ELMO1: variants seen among roughly 807,000 people sequenced by gnomAD.
The protein encoded by ELMO1 is engulfment and cell motility 1.
ELMO1 carries 26 observed loss-of-function variants against 98.9 expected under a neutral mutation model. The ratio of observed to expected loss-of-function variants is 0.26; its 90% CI spans 0.19 to 0.36. The LOEUF (loss-of-function observed/expected upper bound fraction) is 0.36. ELMO1 is among the 10% of genes least tolerant of loss of function. The pLI, the probability that ELMO1 is intolerant of heterozygous loss-of-function variation, is 1.00. For missense variants in ELMO1, 627 were observed against 935.2 expected, an observed-to-expected ratio of 0.67 and a Z score of 4.30; for synonymous variants, 346 against 346.0, an observed-to-expected ratio of 1.00 and a Z score of 0.00.
At chr7:37,423,193 C>T (rs1721740289) in intron 1 of ELMO1, among the ~76,000 whole-genome samples, 1 of 152,212 alleles carries the variant, frequency 6.6e-6, no homozygotes, top group South Asian at 2.1e-4. Flanking sequence ...ATAATTTCAT[C>T]AGACATTCAT....
chr7:37,381,118 T>C (rs1231843347), intron 1 of ELMO1, among the ~76,000 whole-genome samples: 1 of 152,214 alleles, frequency 6.6e-6, no homozygotes, highest in Non-Finnish European at 1.5e-5. Flanking sequence ...ACCACAAAAG[T>C]GCCTTAAGCA....
chr7:36,952,110 C>T (rs192385715), intron 16 of ELMO1, among the ~76,000 whole-genome samples: 5 of 152,296 alleles, frequency 3.3e-5, no homozygotes, highest in East Asian at 3.9e-4. Flanking sequence ...GTGCATCCCA[C>T]GCAAACCCAT....
intron 16 of ELMO1, among the ~76,000 whole-genome samples, chr7:36,951,131 T>C (rs1395800714): frequency 6.6e-6 from 1 of 152,218 alleles, no homozygotes; most frequent in Non-Finnish European, 1.5e-5. Context: ...TGCTTGGACC[T>C]GTGTATCAGC....
At chr7:37,308,341 T>C (rs1798721210) in intron 4 of ELMO1, among the ~76,000 whole-genome samples, 1 of 152,186 alleles carries the variant, frequency 6.6e-6, no homozygotes, top group South Asian at 2.1e-4. Context: ...ATCTTTAAGA[T>C]GACCTTAAAA....
chr7:36,980,939 A>C (rs1466703923), intron 16 of ELMO1, among the ~76,000 whole-genome samples: 1 of 152,106 alleles, frequency 6.6e-6, no homozygotes, highest in Non-Finnish European at 1.5e-5. Flanking sequence ...AAAAGAAAGA[A>C]GTTGTAAAGG....
At chr7:37,036,725 G>A (rs1342071835) in intron 15 of ELMO1, among the ~76,000 whole-genome samples, 6 of 152,132 alleles carry the variant, frequency 3.9e-5, no homozygotes, top group Non-Finnish European at 5.9e-5. Context: ...GGGAAATCAG[G>A]AGGAAGTCCA....
At chr7:36,862,177 C>A (rs1047142702) in intron 20 of ELMO1, 5 of 180,458 alleles carry the variant, frequency 2.8e-5, no homozygotes, top group South Asian at 2.4e-4. Flanking sequence ...TTAAGGACTG[C>A]CCTTCCTTCT....
intron 16 of ELMO1, among the ~76,000 whole-genome samples, chr7:36,939,761 G>A (rs1786865275): frequency 6.6e-6 from 1 of 152,216 alleles, no homozygotes; most frequent in Non-Finnish European, 1.5e-5. Flanking sequence ...AATTGCAAAA[G>A]CCCACCCTCC....
chr7:37,307,044 A>G (rs2131055176), intron 4 of ELMO1, among the ~76,000 whole-genome samples: 1 of 152,338 alleles, frequency 6.6e-6, no homozygotes, highest in Non-Finnish European at 1.5e-5. Context: ...CTATGGAGAC[A>G]AGGACTGTAC....
intron 1 of ELMO1, among the ~76,000 whole-genome samples, chr7:37,408,272 T>A (rs1178589212): frequency 6.6e-6 from 1 of 152,166 alleles, no homozygotes; most frequent in African/African-American, 2.4e-5. Context: ...CATAATGAAG[T>A]TGAAACCCCC....
intron 10 of ELMO1, 131 bp from the exon 11 acceptor site, chr7:37,216,826 C>A: frequency 1.2e-6 from 1 of 851,640 alleles, no homozygotes; most frequent in Non-Finnish European, 1.9e-6. Flanking sequence ...AAATAATGAA[C>A]TCAAACAGGC....
At chr7:37,309,247 A>G (rs1472442678) in intron 4 of ELMO1, among the ~76,000 whole-genome samples, 13 of 152,138 alleles carry the variant, frequency 8.5e-5, no homozygotes, top group Admixed American at 8.5e-4. Flanking sequence ...AATCAAGAGA[A>G]AGGGGTTTCC....
chr7:36,953,461 A>T (rs1788163787), intron 16 of ELMO1, among the ~76,000 whole-genome samples: 1 of 152,224 alleles, frequency 6.6e-6, no homozygotes. Context: ...AGAATAGATA[A>T]GCAATATTTT....
At chr7:37,124,523 C>T (rs1208085705) in intron 14 of ELMO1, among the ~76,000 whole-genome samples, 1 of 152,164 alleles carries the variant, frequency 6.6e-6, no homozygotes, top group Non-Finnish European at 1.5e-5. Context: ...CATGAATGAA[C>T]TCCCATTCAC....
At chr7:37,354,909 A>G (rs1801433107) in intron 1 of ELMO1, among the ~76,000 whole-genome samples, 1 of 152,232 alleles carries the variant, frequency 6.6e-6, no homozygotes, top group Non-Finnish European at 1.5e-5. Flanking sequence ...GCAACAGCAG[A>G]GCTCTAACTA....
intron 16 of ELMO1, among the ~76,000 whole-genome samples, chr7:36,993,739 G>A (rs1335241879): frequency 1.3e-5 from 2 of 152,292 alleles, no homozygotes; most frequent in East Asian, 3.9e-4. Context: ...ATAAAAATTG[G>A]CCCTGAAGGG....
At chr7:37,311,420 C>T (rs952669891) in intron 4 of ELMO1, among the ~76,000 whole-genome samples, 4 of 151,792 alleles carry the variant, frequency 2.6e-5, no homozygotes, top group African/African-American at 9.7e-5. Flanking sequence ...AAATCAGTAA[C>T]TAACAGCATG....
intron 7 of ELMO1, among the ~76,000 whole-genome samples, chr7:37,238,350 G>A (rs2130666264): frequency 6.6e-6 from 1 of 152,182 alleles, no homozygotes; most frequent in East Asian, 1.9e-4. Flanking sequence ...ATTTTAAAAT[G>A]TCATTTTCCA....
chr7:37,128,187 T>G (rs1786661495), intron 14 of ELMO1, among the ~76,000 whole-genome samples: 1 of 151,550 alleles, frequency 6.6e-6, no homozygotes, highest in Admixed American at 6.6e-5. Flanking sequence ...AGTGAGACTG[T>G]ATCTTAAACA....
Sources: allele counts gnomAD v4.1 joint callset (sites outside exome capture counted in the v4.1 genomes callset), GRCh38; gene constraint gnomAD v4.1.1; transcripts MANE v1.5; gene names NCBI Gene and HGNC (gene_info 2026-07-23, HGNC 2026-07-21).